LPIN1: variants seen among roughly 807,000 people sequenced by gnomAD.
The protein encoded by LPIN1 is phosphatidate phosphatase LPIN1.
LPIN1 carries 71 observed loss-of-function variants against 107.5 expected under a neutral mutation model. That is an observed-to-expected ratio of 0.66 (90% CI 0.55 to 0.80). The LOEUF (loss-of-function observed/expected upper bound fraction) is 0.80, where lower values mean the gene tolerates loss of function less well. Among genes scored for constraint, LPIN1 ranks in the 30% least tolerant of loss-of-function variants. LPIN1 has a pLI of 0.00. For synonymous variants in LPIN1, 445 were observed against 452.6 expected, an observed-to-expected ratio of 0.98 and a Z score of 0.21; for missense variants, 1,043 against 1,160.6, an observed-to-expected ratio of 0.90 and a Z score of 1.47.
chr2:11,800,967 T>C (rs1022338319), intron 14 of LPIN1, among the ~76,000 whole-genome samples: 1 of 152,226 alleles, frequency 6.6e-6, no homozygotes, highest in Non-Finnish European at 1.5e-5. Context: ...GATTGTTTCC[T>C]TTGCTGGGCA....
intron 1 of LPIN1, among the ~76,000 whole-genome samples, chr2:11,680,830 G>C (rs553503053): frequency 6.6e-6 from 1 of 152,298 alleles, no homozygotes; most frequent in South Asian, 2.1e-4. Flanking sequence ...GCAGTCACGG[G>C]CCGAATATGT....
chr2:11,732,984 C>A (rs1411274955), intron 1 of LPIN1, among the ~76,000 whole-genome samples: 1 of 150,798 alleles, frequency 6.6e-6, no homozygotes, highest in Non-Finnish European at 1.5e-5. Flanking sequence ...ACCAATATTT[C>A]CACATATATT....
At chr2:11,800,479 C>T (rs769433730) in intron 14 of LPIN1, among the ~76,000 whole-genome samples, 3 of 152,114 alleles carry the variant, frequency 2.0e-5, no homozygotes, top group Admixed American at 6.5e-5. Flanking sequence ...GCATTCTTGG[C>T]TCACTGCTAC....
chr2:11,709,398 A>C (rs552086891), intron 1 of LPIN1, among the ~76,000 whole-genome samples: 1 of 152,336 alleles, frequency 6.6e-6, no homozygotes, highest in African/African-American at 2.4e-5. Flanking sequence ...TACCTTGTCG[A>C]TGCCTTGCAA....
intron 1 of LPIN1, chr2:11,763,140 T>G (rs1670115670): frequency 6.6e-6 from 1 of 152,068 alleles, no homozygotes; most frequent in Non-Finnish European, 1.5e-5. Context: ...AAGAAGAGGC[T>G]CCAGAGACTG....
Position 11,814,858 on chromosome 2 carries a change from C to T in LPIN1, c.2250-230C>T, listed in dbSNP as rs559047128. Among the ~76,000 whole-genome samples the T allele has an allele frequency of 3.3e-5, 5 of 152,180 alleles. No homozygotes were observed. The South Asian group carries it at 8.3e-4, about 25-fold the overall frequency. ...GAAAATACTCATCCAGCCATGTTCTCCTGAGGATTAAACAAAGTGGGGAAT... is the reference window on the plus strand; with the variant it reads ...GAAAATACTCATCCAGCCATGTTCTTCTGAGGATTAAACAAAGTGGGGAAT... On this transcript the variant is annotated intron_variant, in intron 17 of 20. Transcript: ENST00000674199.
chr2:11,680,656 G>A (rs540435937), intron 1 of LPIN1, among the ~76,000 whole-genome samples: 4 of 152,296 alleles, frequency 2.6e-5, no homozygotes, highest in East Asian at 1.9e-4. Context: ...TTCTAGCTGC[G>A]GGGTCAGCTT....
At chr2:11,819,205 T>C (rs1277670207) in intron 18 of LPIN1, 1 of 401,414 alleles carries the variant, frequency 2.5e-6, no homozygotes, top group Non-Finnish European at 4.5e-6. Flanking sequence ...GAGATGTTCT[T>C]TTTTGTTTTT....
At chr2:11,759,463 G>C (rs1392595035) in intron 1 of LPIN1, among the ~76,000 whole-genome samples, 4 of 152,112 alleles carry the variant, frequency 2.6e-5, no homozygotes, top group Admixed American at 2.6e-4. Context: ...ACCCTGAGTG[G>C]ACACAGCACA....
chr2:11,782,352 A>G lies in LPIN1; in HGVS notation c.1109A>G (p.Asn370Ser). The G allele has an allele frequency of 6.2e-7, 1 of 1,614,240 alleles. No individual in the cohort carries two copies. Among genetic ancestry groups the G allele is most frequent in the Non-Finnish European group, 8.5e-7 (1 of 1,180,040 alleles). The change falls in exon 8 of 21, where the codon AAC becomes AGC. Residue 370 changes from asparagine to serine, a missense_variant. Transcript: ENST00000674199. ...GTCGGTGGGGCACTTTTGGACCAGA[A>G]CAAGCCTCAGACAGAAATGCAGTTT... The part of the protein sequence containing the change: ...TLVGGALLDQ[N>S]KPQTEMQFVN...
At chr2:11,772,267 G>T (rs1276048024) in intron 4 of LPIN1, among the ~76,000 whole-genome samples, 1 of 152,216 alleles carries the variant, frequency 6.6e-6, no homozygotes, top group East Asian at 1.9e-4. Flanking sequence ...TCTAACAGGG[G>T]CATGGACCCC....
chr2:11,819,707 C>A, intron 19 of LPIN1, 109 bp downstream of exon 19: 1 of 858,230 alleles, frequency 1.2e-6, no homozygotes, highest in South Asian at 1.3e-5. Flanking sequence ...ATTCTCATCC[C>A]AGAAGCAGTA....
chr2:11,805,691 G>A (rs1678552218), intron 17 of LPIN1, among the ~76,000 whole-genome samples: 1 of 152,178 alleles, frequency 6.6e-6, no homozygotes, highest in Non-Finnish European at 1.5e-5. Flanking sequence ...AGATGGGAGA[G>A]GGGTTCTCCG....
intron 1 of LPIN1, among the ~76,000 whole-genome samples, chr2:11,684,190 A>G (rs1410917136): frequency 6.6e-6 from 1 of 152,162 alleles, no homozygotes; most frequent in African/African-American, 2.4e-5. Context: ...CCCAGTGCCA[A>G]GGCTGCTTCT....
chr2:11,743,095 C>T (rs1383145112), upstream of LPIN1, among the ~76,000 whole-genome samples: 3 of 152,184 alleles, frequency 2.0e-5, no homozygotes, highest in Admixed American at 6.5e-5. This position sits in a 1 kb window ranked among gnomAD's most constrained non-coding sequence, Gnocchi z 4.7. Context: ...AGTTTTTACG[C>T]GATCACAACC....
intron 2 of LPIN1, among the ~76,000 whole-genome samples, chr2:11,715,380 G>T (rs76379517): frequency 0.036 from 5,492 of 152,268 alleles, 216 homozygotes; most frequent in African/African-American, 0.096. Context: ...AGCTCAGGAC[G>T]GGAGGCGCCA....
chr2:11,679,448 T>C (rs1019478779), intron 1 of LPIN1, among the ~76,000 whole-genome samples: 1 of 152,224 alleles, frequency 6.6e-6, no homozygotes, highest in Admixed American at 6.5e-5. Context: ...GTAGAATATG[T>C]AGCATATACA....
rs567730185 is a variant in LPIN1 at position 11,789,484 on chromosome 2, G to A, written c.1713+1028G>A. On this transcript the variant is annotated intron_variant, in intron 12 of 20. Coordinates refer to ENST00000674199, the MANE Select transcript of LPIN1 (RefSeq NM_001349206.2). Reference sequence around the variant, plus strand: ...TGGATGTGCACGTGTGTGCATGTGTGGATGTGCACGTGTGTGCGCGTGTGC... The same window carrying A: ...TGGATGTGCACGTGTGTGCATGTGTAGATGTGCACGTGTGTGCGCGTGTGC... 3.2e-3 allele frequency among the ~76,000 whole-genome samples: 491 copies of A among 152,088 alleles called. 3 individuals are homozygous for A. Among genetic ancestry groups the A allele is most frequent in the African/African-American group, 0.011 (476 of 41,472 alleles).
At chr2:11,741,160 G>C (rs893692451) in intron 1 of LPIN1, 20 of 459,676 alleles carry the variant, frequency 4.4e-5, no homozygotes, top group Non-Finnish European at 6.5e-5. Flanking sequence ...GCAGAGCTAA[G>C]AGATGTCAGC....
Sources: allele counts gnomAD v4.1 joint callset (sites outside exome capture counted in the v4.1 genomes callset), GRCh38; gene constraint gnomAD v4.1.1; non-coding constraint Gnocchi (gnomAD v3.1); transcripts MANE v1.5; gene names NCBI Gene and HGNC (gene_info 2026-07-23, HGNC 2026-07-21).